AREL1: variants seen among roughly 807,000 people sequenced by gnomAD.
The protein encoded by AREL1 is apoptosis-resistant E3 ubiquitin protein ligase 1.
Under a neutral mutation model 99.0 loss-of-function variants are expected in AREL1, and 62 were observed. The observed-to-expected ratio is 0.63, with a 90% CI of 0.51 to 0.77. AREL1 has a LOEUF of 0.77. AREL1 is among the 30% of genes least tolerant of loss of function. The pLI is 0.00. For missense variants in AREL1, 879 were observed against 1,027.6 expected (o/e 0.86, Z 1.98); for synonymous variants, 380 against 376.5 (o/e 1.01, Z -0.11).
chr14:74,700,947 C>T (rs2090074957), intron 1 of AREL1, among the ~76,000 whole-genome samples: 1 of 152,150 alleles, frequency 6.6e-6, no homozygotes, highest in Admixed American at 6.5e-5. Context: ...TGAAGGGGGA[C>T]AGACCCATTA....
intron 5 of AREL1, 77 bp from the exon 6 acceptor site, chr14:74,676,829 C>T: frequency 8.3e-7 from 1 of 1,199,218 alleles, no homozygotes; most frequent in South Asian, 2.2e-5. Flanking sequence ...TGGAGTCTCG[C>T]TCTTTCGCCC....
In AREL1 at chr14:74,664,871, C is replaced by T. The variant is rs1167434925; in HGVS notation, c.2158G>A (p.Val720Ile). 1.2e-6 allele frequency: 2 copies of T among 1,613,898 alleles called. No individual in the cohort carries two copies. The change falls in exon 18 of 20, where the codon GTA becomes ATA. Residue 720 changes from valine to isoleucine, a missense_variant. Val to Ile is a conservative substitution (Grantham distance 29). Transcript: ENST00000356357. ...AAATGCCATGAGCCACCAACAACTA[C>T]TGCATGGGCTTTGAAGTCAGACACA... ...ISVSDFKAHA[V>I]VVGGSWHFRE...
At chr14:74,670,737 T>A (rs778992669) in intron 13 of AREL1, 25 bp downstream of exon 13, 1 of 1,601,968 alleles carries the variant, frequency 6.2e-7, no homozygotes, top group Non-Finnish European at 8.6e-7. Context: ...AATCCACATT[T>A]TCCACCCACC....
chr14:74,677,618 T>C (rs1190634338), intron 5 of AREL1, among the ~76,000 whole-genome samples: 1 of 144,448 alleles, frequency 6.9e-6, no homozygotes, highest in Non-Finnish European at 1.5e-5. Flanking sequence ...GCGATTCTCC[T>C]GCCTCAGCTG....
At chr14:74,699,468 C>A (rs914176255) in intron 1 of AREL1, among the ~76,000 whole-genome samples, 1 of 152,130 alleles carries the variant, frequency 6.6e-6, no homozygotes, top group East Asian at 1.9e-4. Flanking sequence ...TCCCATCCAG[C>A]GCTGGTTCCC....
intron 2 of AREL1, chr14:74,690,913 G>A (rs2089863906): frequency 6.6e-6 from 1 of 152,044 alleles, no homozygotes. Flanking sequence ...CGACAACTTG[G>A]TAAGATGAAT....
intron 18 of AREL1, 126 bp from the exon 19 acceptor site, chr14:74,664,200 T>C (rs1487777854): frequency 1.2e-5 from 13 of 1,060,180 alleles, no homozygotes; most frequent in Admixed American, 1.1e-4. Context: ...GGACACAGGG[T>C]AGGAACAGTT....
intron 9 of AREL1, 57 bp downstream of exon 9, chr14:74,673,977 G>GA: frequency 6.9e-7 from 1 of 1,445,460 alleles, no homozygotes; most frequent in Non-Finnish European, 9.7e-7. Context: ...ATAAAAGGCT[G>GA]AGATAGTCCA....
At chr14:74,682,139 T>C (rs1019895383) in intron 5 of AREL1, among the ~76,000 whole-genome samples, 5 of 152,198 alleles carry the variant, frequency 3.3e-5, no homozygotes, top group African/African-American at 1.2e-4. Flanking sequence ...AGTGAGGCAC[T>C]TAAGCAAAGG....
chr14:74,685,674 A>T lies in AREL1; in HGVS notation c.-45-14T>A, dbSNP rs2089732354. 6.2e-7 allele frequency: 1 copy of T among 1,611,974 alleles called. No homozygotes were observed. The highest frequency in any genetic ancestry group is 1.3e-5 in the African/African-American group (1 of 74,870). Reference sequence around the variant, plus strand: ...TCACAGCTGCAGCTGTTAAAAGAAAACTTGTTTAGTTTTTGTCTCCAACTC... The same window carrying T: ...TCACAGCTGCAGCTGTTAAAAGAAATCTTGTTTAGTTTTTGTCTCCAACTC... On this transcript the variant is annotated splice_polypyrimidine_tract_variant and intron_variant, in intron 2 of 19. Transcript: ENST00000356357.
Position 74,670,764 on chromosome 14 carries a change from A to G in AREL1, c.1606T>C (p.Leu536=). Residue 536 remains leucine (L), a splice_region_variant and synonymous_variant, in exon 13 of 20, where the codon TTA becomes CTA. Coordinates refer to ENST00000356357, the MANE Select transcript of AREL1 (RefSeq NM_001039479.2). The part of the protein sequence containing the change: ...FTRFSDNNQA[L]VHPNPNRPAH... Reference sequence around the variant, plus strand: ...CCACCCACCCGTCACCAACTCACTAATGCTTGGTTGTTGTCACTGAACCGG... The same window carrying G: ...CCACCCACCCGTCACCAACTCACTAGTGCTTGGTTGTTGTCACTGAACCGG... 6.2e-7 allele frequency: 1 copy of G among 1,613,756 alleles called. No individual in the cohort carries two copies. The highest frequency in any genetic ancestry group is 8.5e-7 in the Non-Finnish European group (1 of 1,179,680).
chr14:74,702,119 A>C lies in AREL1; in HGVS notation c.-333-9791T>G, dbSNP rs974502283. Among the ~76,000 whole-genome samples the C allele has an allele frequency of 4.1e-4, 63 of 152,154 alleles. 1 individual carries two copies. The highest frequency in any genetic ancestry group is 1.5e-3 in the African/African-American group (62 of 41,430). On this transcript the variant is annotated intron_variant, in intron 1 of 19. Transcript: ENST00000356357. Reference sequence around the variant, plus strand: ...AGGCACATGGTACAAACTGTCAGTGAATCTACCACTCTGGGGTCTGGAGGA... The same window carrying C: ...AGGCACATGGTACAAACTGTCAGTGCATCTACCACTCTGGGGTCTGGAGGA...
intron 3 of AREL1, among the ~76,000 whole-genome samples, chr14:74,685,087 A>G (rs1351907867): frequency 2.0e-5 from 3 of 152,200 alleles, no homozygotes; most frequent in Non-Finnish European, 4.4e-5. Context: ...GCTGCATATA[A>G]TGTCCGCCCT....
chr14:74,711,335 T>C (rs548655898), intron 1 of AREL1, among the ~76,000 whole-genome samples: 1 of 148,658 alleles, frequency 6.7e-6, no homozygotes, highest in South Asian at 2.1e-4. Flanking sequence ...AGGTCAGGAG[T>C]TTGAGACCAG....
At chr14:74,702,067 C>A (rs1258851347) in intron 1 of AREL1, among the ~76,000 whole-genome samples, 1 of 152,236 alleles carries the variant, frequency 6.6e-6, no homozygotes, top group Non-Finnish European at 1.5e-5. Context: ...CTTTCGTGGG[C>A]TAGCACTGAG....
chr14:74,712,927 C>G lies in AREL1; in HGVS notation c.-334+6G>C. On this transcript the variant is annotated splice_donor_region_variant and intron_variant, in intron 1 of 19. Transcript: ENST00000356357. ...GGCTCTGCCTAAGGCTGGAGAGAAACGTTACCCGAGCCGGGGGTTGCAGCG... is the reference window on the plus strand; with the variant it reads ...GGCTCTGCCTAAGGCTGGAGAGAAAGGTTACCCGAGCCGGGGGTTGCAGCG... The G allele has an allele frequency of 1.5e-6, 1 of 670,364 alleles. No homozygotes were observed. The highest frequency in any genetic ancestry group is 2.7e-6 in the Non-Finnish European group (1 of 365,588). 41.5% of individuals were successfully genotyped at this position (670,364 alleles called of 1,614,324 possible). A position where few individuals can be genotyped will look rare whatever the true frequency, so the allele number is the denominator to read the frequency against.
chr14:74,667,081 T>C (rs1018927801), intron 17 of AREL1, among the ~76,000 whole-genome samples: 1 of 152,200 alleles, frequency 6.6e-6, no homozygotes, highest in Admixed American at 6.5e-5. Context: ...ATGAGCTACT[T>C]GCTACTTTCA....
At chr14:74,672,699 C>T (rs960311170) in intron 11 of AREL1, 132 bp downstream of exon 11, 1 of 1,287,410 alleles carries the variant, frequency 7.8e-7, no homozygotes, top group Non-Finnish European at 1.1e-6. Flanking sequence ...CGCACCTCTG[C>T]ACCCCAGCCT....
intron 2 of AREL1, among the ~76,000 whole-genome samples, chr14:74,688,693 C>A (rs1208435745): frequency 6.6e-6 from 1 of 152,184 alleles, no homozygotes; most frequent in Non-Finnish European, 1.5e-5. Flanking sequence ...TACAACAGCT[C>A]TCAAACCACT....
Sources: gnomAD v4.1 joint callset for allele counts (sites outside exome capture counted in the v4.1 genomes callset) on GRCh38, gnomAD v4.1.1 for gene constraint, MANE v1.5 for transcripts, NCBI Gene and HGNC (gene_info 2026-07-23, HGNC 2026-07-21) for gene names.